The following PTPRN2 variants were observed in gnomAD, a reference collection of about 807,000 sequenced individuals.
PTPRN2 encodes the protein protein tyrosine phosphatase receptor type N2.
PTPRN2 carries 74 observed loss-of-function variants against 118.8 expected under a neutral mutation model. The observed-to-expected ratio is 0.62, with a 90% CI of 0.52 to 0.76. PTPRN2 has a LOEUF of 0.76. Ranked by LOEUF, PTPRN2 falls within the 30% of genes least tolerant of loss-of-function variation. The pLI is 0.00. For missense variants in PTPRN2, 1,481 were observed against 1,394.4 expected (o/e 1.06, Z -0.99); for synonymous variants, 641 against 608.0 (o/e 1.05, Z -0.80).
At chr7:158,412,466 C>G (rs565150022) in intron 2 of PTPRN2, among the ~76,000 whole-genome samples, 38 of 105,722 alleles carry the variant, frequency 3.6e-4, no homozygotes, top group Non-Finnish European at 6.0e-4. Flanking sequence ...CCAGCGCCCT[C>G]CTCAGCACCA....
At chr7:158,469,976 T>C (rs1819729578) in intron 2 of PTPRN2, among the ~76,000 whole-genome samples, 1 of 149,940 alleles carries the variant, frequency 6.7e-6, no homozygotes. Context: ...ATAAAAGAAT[T>C]GGGAGCTGGA....
rs1303706898 is a variant in PTPRN2, at chr7:158,571,545, TTC to T, written c.112+16011_112+16012del. On this transcript the variant is annotated intron_variant, in intron 1 of 22. Coordinates refer to ENST00000389418, the MANE Select transcript of PTPRN2 (RefSeq NM_002847.5). ...TATTTCTTTTTTTTTTTTTTTTTTT[TTC>T]TTTTGAGCAGGAGTGAAAGTATTAA... 3.1e-3 allele frequency among the ~76,000 whole-genome samples: 416 copies of T among 132,722 alleles called. 2 individuals carry two copies. Among genetic ancestry groups the T allele is most frequent in the African/African-American group, 0.011 (382 of 33,424 alleles). 87.1% of individuals were successfully genotyped at this position (132,722 alleles called of 152,430 possible). A position where few individuals can be genotyped will look rare whatever the true frequency, so the allele number is the denominator to read the frequency against.
chr7:157,652,990 G>C (rs1805772862), intron 14 of PTPRN2, among the ~76,000 whole-genome samples: 1 of 152,202 alleles, frequency 6.6e-6, no homozygotes, highest in Non-Finnish European at 1.5e-5. Context: ...GGCCCTTCCT[G>C]TGGGGCCACA....
intron 2 of PTPRN2, among the ~76,000 whole-genome samples, chr7:158,378,859 A>C (rs1411685551): frequency 6.6e-6 from 1 of 152,240 alleles, no homozygotes; most frequent in Non-Finnish European, 1.5e-5. Flanking sequence ...TACTTGACAA[A>C]ATTCTTACCA....
At chr7:158,307,703 C>T (rs566201215) in intron 3 of PTPRN2, among the ~76,000 whole-genome samples, 1 of 152,294 alleles carries the variant, frequency 6.6e-6, no homozygotes, top group South Asian at 2.1e-4. Flanking sequence ...AGCAACTTGT[C>T]ACACATGTTA....
intron 2 of PTPRN2, among the ~76,000 whole-genome samples, chr7:158,459,157 ACAC>A (rs1234010985): frequency 1.6e-4 from 24 of 150,052 alleles, no homozygotes; most frequent in African/African-American, 3.7e-4. Flanking sequence ...CCAGAGGAAG[ACAC>A]CAAGGCTTGA....
chr7:157,575,154 C>A (rs1269056926), intron 19 of PTPRN2, among the ~76,000 whole-genome samples: 2 of 152,182 alleles, frequency 1.3e-5, no homozygotes. Flanking sequence ...CATATACGTG[C>A]AAACACACTG....
rs996807156 is a variant in PTPRN2, at chr7:157,881,336, C to G, written c.1788+17337G>C. ...AGCCTGATCCCATGTGACTGGCATC[C>G]TTGTAGGAAGGAGATGCAGACACAG... On this transcript the variant is annotated intron_variant, in intron 12 of 22. Coordinates refer to ENST00000389418, the MANE Select transcript of PTPRN2 (RefSeq NM_002847.5). The surrounding 1 kb of genome is among the most constrained non-coding windows in gnomAD (Gnocchi z 4.7). Among the ~76,000 whole-genome samples, 1 of 52,286 alleles carries G rather than the reference C, an allele frequency of 1.9e-5. No individual in the cohort carries two copies. Among genetic ancestry groups the G allele is most frequent in the Non-Finnish European group, 4.1e-5 (1 of 24,618 alleles). 34.3% of individuals were successfully genotyped at this position (52,286 alleles called of 152,430 possible). A position where few individuals can be genotyped will look rare whatever the true frequency, so the allele number is the denominator to read the frequency against.
intron 8 of PTPRN2, among the ~76,000 whole-genome samples, chr7:158,135,059 G>C (rs761997617): frequency 1.5e-4 from 23 of 152,110 alleles, no homozygotes; most frequent in Non-Finnish European, 3.1e-4. Context: ...GCACATACCA[G>C]GCAACCCACG....
rs1172719418 is a variant in PTPRN2, at chr7:158,402,675, G to A, written c.164-85743C>T. Among the ~76,000 whole-genome samples the A allele has an allele frequency of 3.3e-5, 5 of 152,202 alleles. No homozygotes were observed. The East Asian group carries it at 9.6e-4, about 29-fold the overall frequency. On this transcript the variant is annotated intron_variant, in intron 2 of 22. Coordinates refer to ENST00000389418, the MANE Select transcript of PTPRN2 (RefSeq NM_002847.5). ...GGCAAGCCCTGCGATGTTCCTGCAG[G>A]GAAGGGAAGGTCTGGGTGTCTGCAG... is the stretch of plus-strand genomic sequence containing the variant.
intron 2 of PTPRN2, among the ~76,000 whole-genome samples, chr7:158,407,116 C>CGTCCTGG (rs1310877782): frequency 6.0e-5 from 9 of 149,006 alleles, no homozygotes; most frequent in Admixed American, 2.0e-4. Context: ...CTGGGTCCTG[C>CGTCCTGG]GTCCTGGGTC....
In PTPRN2 at chr7:157,539,367, G is replaced by A. The variant is rs184402817; in HGVS notation, c.*1347C>T. On this transcript the variant is annotated 3_prime_UTR_variant, in exon 23 of 23. Coordinates refer to ENST00000389418, the MANE Select transcript of PTPRN2 (RefSeq NM_002847.5). The stretch of plus-strand genomic sequence containing the variant: ...TTGGAGAGTACCATCTATCTAAGAT[G>A]GAGGAATGCTGTGGGAAGGGCGGGA... 6.6e-6 allele frequency: 1 copy of A among 151,988 alleles called. No homozygotes were observed. Among genetic ancestry groups the A allele is most frequent in the African/African-American group, 2.4e-5 (1 of 41,248 alleles). The allele number at this position is 151,988 out of a possible 1,614,324, so 9.4% of individuals were successfully genotyped here. A position where few individuals can be genotyped will look rare whatever the true frequency, so the allele number is the denominator to read the frequency against.
At chr7:158,429,881 G>A (rs1049449334) in intron 2 of PTPRN2, among the ~76,000 whole-genome samples, 4 of 152,130 alleles carry the variant, frequency 2.6e-5, no homozygotes, top group Admixed American at 6.5e-5. Flanking sequence ...AGCCGTACTC[G>A]TGGGACATAA....
At chr7:158,033,918 G>A (rs1004954060) in intron 11 of PTPRN2, among the ~76,000 whole-genome samples, 4 of 147,684 alleles carry the variant, frequency 2.7e-5, no homozygotes, top group African/African-American at 5.0e-5. Flanking sequence ...GCATGCTGAG[G>A]CCCAGGTGAG....
chr7:158,341,874 G>T lies in PTPRN2; in HGVS notation c.164-24942C>A, dbSNP rs372700460. On this transcript the variant is annotated intron_variant, in intron 2 of 22. Coordinates refer to ENST00000389418, the MANE Select transcript of PTPRN2 (RefSeq NM_002847.5). ...CACCATAAGAGTGTGCCCCGCAGGC[G>T]TCACTCACACCCACACTCACCATAT... Among the ~76,000 whole-genome samples, 2 of 97,034 alleles carry T rather than the reference G, an allele frequency of 2.1e-5. 1 individual carries two copies. The highest frequency in any genetic ancestry group is 2.5e-4 in the Admixed American group (2 of 7,876). 63.7% of individuals were successfully genotyped at this position (97,034 alleles called of 152,430 possible).
intron 11 of PTPRN2, chr7:158,029,248 G>A (rs188005429): frequency 6.6e-6 from 1 of 151,102 alleles, no homozygotes; most frequent in South Asian, 2.1e-4. Flanking sequence ...CCTCTCGCCG[G>A]GGGCACGGGG....
intron 6 of PTPRN2, among the ~76,000 whole-genome samples, chr7:158,153,077 T>A (rs777500598): frequency 7.1e-6 from 1 of 141,170 alleles, no homozygotes; most frequent in Non-Finnish European, 1.5e-5. Context: ...GGCCACCGAC[T>A]GGGGGGACAA....
chr7:157,677,636 G>A (rs115819719), intron 13 of PTPRN2, among the ~76,000 whole-genome samples: 2 of 152,302 alleles, frequency 1.3e-5, no homozygotes, highest in Admixed American at 6.5e-5. Flanking sequence ...ATTCCATGGA[G>A]CCTGCAGAAA....
chr7:158,182,517 C>A (rs1333807378), intron 5 of PTPRN2, among the ~76,000 whole-genome samples: 1 of 152,108 alleles, frequency 6.6e-6, no homozygotes, highest in Non-Finnish European at 1.5e-5. Flanking sequence ...TGTTCCCCTC[C>A]TTGTGTCCAT....
Sources: allele counts gnomAD v4.1 joint callset (sites outside exome capture counted in the v4.1 genomes callset), GRCh38; gene constraint gnomAD v4.1.1; non-coding constraint Gnocchi (gnomAD v3.1); transcripts MANE v1.5; gene names NCBI Gene and HGNC (gene_info 2026-07-23, HGNC 2026-07-21).